The following GRID1 variants were observed in gnomAD, a reference collection of about 807,000 sequenced individuals.
The protein encoded by GRID1 is glutamate receptor ionotropic, delta-1.
GRID1 carries 28 observed loss-of-function variants against 98.0 expected under a neutral mutation model. The observed-to-expected ratio is 0.29, with a 90% CI of 0.21 to 0.39. The LOEUF (loss-of-function observed/expected upper bound fraction) is 0.39. Ranked by LOEUF, GRID1 falls within the 10% of genes least tolerant of loss-of-function variation. The probability of loss-of-function intolerance (pLI) is 1.00; values close to 1 mark genes in which losing one functional copy is unlikely to be tolerated. For missense variants in GRID1, 1,111 were observed against 1,340.5 expected (o/e 0.83, Z 2.67); for synonymous variants, 553 against 538.5 (o/e 1.03, Z -0.37).
At chr10:85,934,439 CA>C (rs1197013959) in intron 4 of GRID1, among the ~76,000 whole-genome samples, 6 of 150,978 alleles carry the variant, frequency 4.0e-5, no homozygotes, top group African/African-American at 1.5e-4. Context: ...CACACACACA[CA>C]CACACACACA....
chr10:85,839,743 C>A (rs1331598152), intron 8 of GRID1, among the ~76,000 whole-genome samples: 3 of 151,892 alleles, frequency 2.0e-5, no homozygotes, highest in African/African-American at 4.8e-5. Flanking sequence ...GATCTCAAAG[C>A]TAGCAGAAGG....
intron 8 of GRID1, among the ~76,000 whole-genome samples, chr10:85,751,130 G>C (rs1842041888): frequency 6.6e-6 from 1 of 152,164 alleles, no homozygotes; most frequent in South Asian, 2.1e-4. Context: ...AATCTCAGGA[G>C]AGAAGAGAGC....
chr10:86,317,067 C>A (rs1008819003), intron 2 of GRID1, among the ~76,000 whole-genome samples: 1 of 152,202 alleles, frequency 6.6e-6, no homozygotes, highest in East Asian at 1.9e-4. Flanking sequence ...GAACAACACA[C>A]ATCTGAATCC....
intron 5 of GRID1, among the ~76,000 whole-genome samples, chr10:85,906,240 C>T (rs1238717868): frequency 6.6e-6 from 1 of 152,042 alleles, no homozygotes; most frequent in Non-Finnish European, 1.5e-5. Context: ...TGAAATAAAG[C>T]TTCCAAATAT....
intron 12 of GRID1, among the ~76,000 whole-genome samples, chr10:85,679,889 C>T (rs1841187870): frequency 6.6e-6 from 1 of 152,194 alleles, no homozygotes; most frequent in African/African-American, 2.4e-5. Flanking sequence ...CAAGATGCAG[C>T]ATGATAGAAT....
At chr10:86,346,595 G>A (rs542394750) in intron 2 of GRID1, among the ~76,000 whole-genome samples, 4 of 152,376 alleles carry the variant, frequency 2.6e-5, no homozygotes, top group South Asian at 4.1e-4. Context: ...TCAATTAATC[G>A]TTCAGAGCGG....
chr10:86,244,801 A>G (rs968750417), intron 2 of GRID1, among the ~76,000 whole-genome samples: 2 of 152,234 alleles, frequency 1.3e-5, no homozygotes, highest in Non-Finnish European at 2.9e-5. Flanking sequence ...GTCCTCGAAT[A>G]TCCTCAGAGA....
intron 8 of GRID1, among the ~76,000 whole-genome samples, chr10:85,770,809 G>A (rs1281641703): frequency 5.3e-5 from 8 of 152,196 alleles, no homozygotes; most frequent in Non-Finnish European, 8.8e-5. Flanking sequence ...AAGCCTCCAA[G>A]AAATATGGGA....
At chr10:85,715,596 A>T (rs1452663922) in intron 12 of GRID1, among the ~76,000 whole-genome samples, 1 of 152,210 alleles carries the variant, frequency 6.6e-6, no homozygotes, top group Non-Finnish European at 1.5e-5. Flanking sequence ...TGACCAAAAG[A>T]TATACGAAAA....
chr10:85,955,174 T>C (rs1842172975), intron 4 of GRID1, among the ~76,000 whole-genome samples: 1 of 152,196 alleles, frequency 6.6e-6, no homozygotes, highest in Non-Finnish European at 1.5e-5. Flanking sequence ...TCCATCTCCC[T>C]GTCCCTTGGA....
At chr10:86,061,286 C>T (rs1843645019) in intron 4 of GRID1, among the ~76,000 whole-genome samples, 1 of 152,170 alleles carries the variant, frequency 6.6e-6, no homozygotes, top group South Asian at 2.1e-4. Flanking sequence ...CACTATAGTT[C>T]CACGTCTGCA....
intron 4 of GRID1, among the ~76,000 whole-genome samples, chr10:86,127,265 A>G (rs1844768464): frequency 6.6e-6 from 1 of 152,162 alleles, no homozygotes; most frequent in Non-Finnish European, 1.5e-5. Context: ...CACCCAGTGT[A>G]AGAGGTCCAG....
chr10:85,641,303 TC>T (rs1843114175), intron 13 of GRID1, among the ~76,000 whole-genome samples: 1 of 152,372 alleles, frequency 6.6e-6, no homozygotes, highest in Admixed American at 6.5e-5. Flanking sequence ...ATTCTGCATC[TC>T]CAAGTTTCTG....
chr10:86,231,303 G>A (rs1033147434), intron 2 of GRID1, among the ~76,000 whole-genome samples: 4 of 152,194 alleles, frequency 2.6e-5, no homozygotes, highest in Non-Finnish European at 5.9e-5. Flanking sequence ...GTTCCTGGGA[G>A]GTCAGAAATG....
At chr10:85,702,085 C>T (rs1412240183) in intron 12 of GRID1, among the ~76,000 whole-genome samples, 1 of 151,904 alleles carries the variant, frequency 6.6e-6, no homozygotes, top group Admixed American at 6.6e-5. Flanking sequence ...GTTAAAGATA[C>T]TAAAGAATAT....
At chr10:85,770,162 G>A (rs968164426) in intron 8 of GRID1, among the ~76,000 whole-genome samples, 11 of 152,168 alleles carry the variant, frequency 7.2e-5, no homozygotes, top group South Asian at 2.1e-4. Flanking sequence ...CAGCATTCGC[G>A]GTTCACGAAA....
chr10:86,171,422 T>TA (rs1845485391), intron 3 of GRID1, among the ~76,000 whole-genome samples: 1 of 152,086 alleles, frequency 6.6e-6, no homozygotes, highest in Non-Finnish European at 1.5e-5. Flanking sequence ...TTTAGGCAAT[T>TA]AAGGAGGTAT....
intron 4 of GRID1, among the ~76,000 whole-genome samples, chr10:85,932,240 T>G (rs1263775473): frequency 6.6e-6 from 1 of 152,116 alleles, no homozygotes; most frequent in Non-Finnish European, 1.5e-5. Context: ...TGAGACAGGG[T>G]CTCCCTCTAT....
At chr10:86,038,055 C>G (rs1379088310) in intron 4 of GRID1, among the ~76,000 whole-genome samples, 3 of 152,016 alleles carry the variant, frequency 2.0e-5, no homozygotes, top group African/African-American at 7.2e-5. Flanking sequence ...TAAGGAAGAT[C>G]GCATGAAGAC....
Sources: allele counts gnomAD v4.1 joint callset (sites outside exome capture counted in the v4.1 genomes callset), GRCh38; gene constraint gnomAD v4.1.1; transcripts MANE v1.5; gene names NCBI Gene and HGNC (gene_info 2026-07-23, HGNC 2026-07-21).